The following PCSK6 variants were observed in gnomAD, a reference collection of about 807,000 sequenced individuals.
PCSK6 encodes proprotein convertase subtilisin/kexin type 6, also known as paired basic amino acid cleaving enzyme 4.
Under a neutral mutation model 123.3 loss-of-function variants are expected in PCSK6, and 85 were observed. The observed-to-expected ratio is 0.69, with a 90% CI of 0.58 to 0.83. The LOEUF is 0.83. Ranked by LOEUF, PCSK6 falls within the 40% of genes least tolerant of loss-of-function variation. The pLI is 0.00. For synonymous variants in PCSK6, 508 were observed against 516.0 expected (o/e 0.98, Z 0.21); for missense variants, 1,191 against 1,282.3 (o/e 0.93, Z 1.09).
Position 101,427,765 on chromosome 15 carries a change from T to C in PCSK6, c.823+127A>G, listed in dbSNP as rs2056305912. 6.0e-6 allele frequency: 4 copies of C among 669,332 alleles called. No individual in the cohort carries two copies. The East Asian group carries it at 1.1e-4, about 18-fold the overall frequency. The allele number at this position is 669,332 out of a possible 1,614,324, so 41.5% of individuals were successfully genotyped here. ...ATGATACAGACGGCACTGCTGCGTC[T>C]GGCCCAGGGGTCTGCTGACATGGCC... On this transcript the variant is annotated intron_variant, in intron 6 of 21. Transcript: ENST00000611716.
intron 15 of PCSK6, among the ~76,000 whole-genome samples, chr15:101,330,393 G>A (rs2040349919): frequency 6.6e-6 from 1 of 152,208 alleles, no homozygotes; most frequent in Non-Finnish European, 1.5e-5. Context: ...CACTCCTGAT[G>A]CACCATGACC....
At chr15:101,409,029 C>T (rs1185491933) in intron 6 of PCSK6, among the ~76,000 whole-genome samples, 3 of 152,198 alleles carry the variant, frequency 2.0e-5, no homozygotes, top group Admixed American at 6.5e-5. Context: ...ATCCGGGGGC[C>T]GGAGCAGGGG....
intron 11 of PCSK6, among the ~76,000 whole-genome samples, chr15:101,379,850 C>T (rs1370296974): frequency 6.6e-6 from 1 of 152,202 alleles, no homozygotes; most frequent in Non-Finnish European, 1.5e-5. Context: ...CAGGCAGGCT[C>T]AGTGGCAGAG....
At chr15:101,445,211 C>T (rs368559114) in intron 1 of PCSK6, among the ~76,000 whole-genome samples, 3 of 152,212 alleles carry the variant, frequency 2.0e-5, no homozygotes, top group African/African-American at 7.2e-5. Flanking sequence ...GATTCTCTCT[C>T]GGGCTCCTCC....
intron 11 of PCSK6, among the ~76,000 whole-genome samples, chr15:101,376,118 G>A (rs1475875002): frequency 6.6e-6 from 1 of 151,976 alleles, no homozygotes; most frequent in African/African-American, 2.4e-5. Context: ...TTAGAGACAG[G>A]GTCTCACTCT....
At chr15:101,407,872 C>CT (rs1800783286) in intron 6 of PCSK6, among the ~76,000 whole-genome samples, 1 of 152,210 alleles carries the variant, frequency 6.6e-6, no homozygotes, top group African/African-American at 2.4e-5. Context: ...TAAATAATAC[C>CT]GAAAATGATT....
At chr15:101,360,343 A>T (rs1347148040) in intron 13 of PCSK6, among the ~76,000 whole-genome samples, 1 of 152,148 alleles carries the variant, frequency 6.6e-6, no homozygotes, top group Non-Finnish European at 1.5e-5. Flanking sequence ...CTTCCAACCA[A>T]GTCCCTGTGA....
intron 1 of PCSK6, among the ~76,000 whole-genome samples, chr15:101,456,109 C>T (rs960531345): frequency 2.0e-5 from 3 of 152,216 alleles, no homozygotes; most frequent in African/African-American, 7.2e-5. Flanking sequence ...ATGATTTCAA[C>T]AGAACTTGCA....
chr15:101,315,034 G>T (rs1311170648), intron 19 of PCSK6, among the ~76,000 whole-genome samples: 2 of 152,194 alleles, frequency 1.3e-5, no homozygotes, highest in African/African-American at 4.8e-5. Context: ...CGCCTCACCT[G>T]CTGAACCCGT....
chr15:101,343,390 T>C (rs1045967672), intron 13 of PCSK6, among the ~76,000 whole-genome samples: 1 of 152,136 alleles, frequency 6.6e-6, no homozygotes, highest in African/African-American at 2.4e-5. Flanking sequence ...TTCTTCATTC[T>C]TTATGTTGTT....
chr15:101,436,895 G>A (rs190542890), intron 2 of PCSK6, among the ~76,000 whole-genome samples: 3 of 152,308 alleles, frequency 2.0e-5, no homozygotes, highest in East Asian at 1.9e-4. Context: ...ACAAGTGCCC[G>A]TCACTGCATA....
chr15:101,481,680 G>A (rs933224153), intron 1 of PCSK6, among the ~76,000 whole-genome samples: 1 of 152,188 alleles, frequency 6.6e-6, no homozygotes, highest in African/African-American at 2.4e-5. Context: ...GCAGGAGGAG[G>A]CGATGGTGAC....
At chr15:101,475,345 A>G (rs540107124) in intron 1 of PCSK6, among the ~76,000 whole-genome samples, 35 of 152,358 alleles carry the variant, frequency 2.3e-4, no homozygotes, top group African/African-American at 7.7e-4. Context: ...AACGTACTTA[A>G]AAACAAGGGA....
intron 13 of PCSK6, among the ~76,000 whole-genome samples, chr15:101,359,271 G>C (rs1361960012): frequency 1.3e-5 from 2 of 152,212 alleles, no homozygotes; most frequent in Non-Finnish European, 2.9e-5. Context: ...TAGAAGGTCA[G>C]AGCTGGAAGG....
chr15:101,454,980 G>GAATAAATA (rs869105490), intron 1 of PCSK6, among the ~76,000 whole-genome samples: 11 of 97,936 alleles, frequency 1.1e-4, no homozygotes, highest in South Asian at 3.0e-4. Flanking sequence ...ATGAATGAAT[G>GAATAAATA]AATAAATAAA....
At chr15:101,427,253 C>T (rs558261175) in intron 6 of PCSK6, among the ~76,000 whole-genome samples, 2 of 152,282 alleles carry the variant, frequency 1.3e-5, no homozygotes, top group South Asian at 2.1e-4. Context: ...GAGCTGATTC[C>T]CTGGTGAATG....
chr15:101,415,297 T>A (rs1034334919), intron 6 of PCSK6, among the ~76,000 whole-genome samples: 3 of 152,212 alleles, frequency 2.0e-5, no homozygotes, highest in Admixed American at 2.0e-4. Context: ...GGTAAATGGC[T>A]GAAGCAGCCA....
At chr15:101,379,278 G>A (rs778593227) in intron 11 of PCSK6, among the ~76,000 whole-genome samples, 2 of 152,196 alleles carry the variant, frequency 1.3e-5, no homozygotes, top group East Asian at 1.9e-4. Context: ...GCCCCTGCCC[G>A]TGACCAGAGG....
intron 1 of PCSK6, among the ~76,000 whole-genome samples, chr15:101,489,165 C>A (rs867573223): frequency 6.6e-5 from 6 of 91,204 alleles, no homozygotes; most frequent in South Asian, 3.9e-4. Flanking sequence ...CCAGTCCCCC[C>A]CACCCCGCCG....
Sources: allele counts gnomAD v4.1 joint callset (sites outside exome capture counted in the v4.1 genomes callset), GRCh38; gene constraint gnomAD v4.1.1; transcripts MANE v1.5; gene names NCBI Gene and HGNC (gene_info 2026-07-23, HGNC 2026-07-21).